The following SCARB2 variants were observed in gnomAD, a reference collection of about 807,000 sequenced individuals.
SCARB2 encodes scavenger receptor class B member 2.
In SCARB2, 29 loss-of-function variants were observed where a neutral mutation model predicts 58.6. The observed-to-expected ratio is 0.49, with a 90% CI of 0.37 to 0.67. SCARB2 has a LOEUF of 0.67. Among genes scored for constraint, SCARB2 ranks in the 30% least tolerant of loss-of-function variants. The pLI is 0.00. For synonymous variants in SCARB2, 195 were observed against 210.1 expected (o/e 0.93, Z 0.62); for missense variants, 488 against 578.5 (o/e 0.84, Z 1.60).
At chr4:76,228,744 A>G (rs532695615) in intron 1 of SCARB2, among the ~76,000 whole-genome samples, 1 of 152,222 alleles carries the variant, frequency 6.6e-6, no homozygotes, top group South Asian at 2.1e-4. Flanking sequence ...ATTTTCCTTT[A>G]TAGGTTACAT....
intron 1 of SCARB2, among the ~76,000 whole-genome samples, chr4:76,219,141 T>G (rs1733265309): frequency 6.6e-6 from 1 of 152,092 alleles, no homozygotes; most frequent in Non-Finnish European, 1.5e-5. Context: ...AGGAAAGCAG[T>G]GAAAATTGCA....
chr4:76,176,533 A>G lies in SCARB2; in HGVS notation c.613-5T>C. 1 of 1,567,374 alleles carries G rather than the reference A, an allele frequency of 6.4e-7. No homozygotes were observed. Among genetic ancestry groups the G allele is most frequent in the Non-Finnish European group, 8.8e-7 (1 of 1,138,846 alleles). On this transcript the variant is annotated splice_polypyrimidine_tract_variant and splice_region_variant and intron_variant, in intron 4 of 11. Coordinates refer to ENST00000264896, the MANE Select transcript of SCARB2 (RefSeq NM_005506.4). ...TCCATCATTAGTCCCATTTTTCTGAAAATATGTGAATATGATCATTTAAAG... is the reference window on the plus strand; with the variant it reads ...TCCATCATTAGTCCCATTTTTCTGAGAATATGTGAATATGATCATTTAAAG...
chr4:76,183,802 C>T (rs1182923858), intron 2 of SCARB2, among the ~76,000 whole-genome samples: 1 of 152,166 alleles, frequency 6.6e-6, no homozygotes, highest in Admixed American at 6.5e-5. Flanking sequence ...ATCCAGGAGC[C>T]ATAGAGGCTG....
At chr4:76,226,022 C>T (rs1733391447) in intron 1 of SCARB2, among the ~76,000 whole-genome samples, 1 of 152,172 alleles carries the variant, frequency 6.6e-6, no homozygotes, top group African/African-American at 2.4e-5. Context: ...CGGTCCTGGA[C>T]TTCTTTTTGT....
intron 1 of SCARB2, among the ~76,000 whole-genome samples, chr4:76,204,994 C>A (rs1732900539): frequency 6.6e-6 from 1 of 152,048 alleles, no homozygotes; most frequent in Admixed American, 6.6e-5. Flanking sequence ...TAAACAAATT[C>A]AAGAGATCTA....
intron 1 of SCARB2, among the ~76,000 whole-genome samples, chr4:76,210,963 A>G (rs1212516341): frequency 6.6e-6 from 1 of 152,250 alleles, no homozygotes; most frequent in Non-Finnish European, 1.5e-5. Flanking sequence ...AACTGGAAAT[A>G]TCAGAGTAGA....
rs1375319899 is a variant in SCARB2, at chr4:76,213,420, G to A, written c.117+7C>T. ...CCACAACACACACACAGCCCGCCCC[G>A]CCTCACCTTCTCGATACTCTGGTCT... On this transcript the variant is annotated splice_region_variant and intron_variant, in intron 1 of 11. Transcript: ENST00000264896. 7 of 1,590,962 alleles carry A rather than the reference G, an allele frequency of 4.4e-6. No individual in the cohort carries two copies. The highest frequency in any genetic ancestry group is 1.1e-5 in the South Asian group (1 of 89,622).
chr4:76,182,730 G>T (rs1265435621), intron 2 of SCARB2, among the ~76,000 whole-genome samples: 1 of 152,172 alleles, frequency 6.6e-6, no homozygotes, highest in Non-Finnish European at 1.5e-5. Flanking sequence ...GTAGCCTCAG[G>T]TAGACTGCAA....
chr4:76,223,785 G>A (rs1733348765), intron 1 of SCARB2, among the ~76,000 whole-genome samples: 1 of 152,158 alleles, frequency 6.6e-6, no homozygotes, highest in Non-Finnish European at 1.5e-5. Context: ...CTCAAAACTG[G>A]TATTTGGACT....
rs1283766846 is a variant in SCARB2, at chr4:76,160,244, A to G, written c.*1469T>C. The G allele has an allele frequency of 6.6e-6, 1 of 152,232 alleles. No individual in the cohort carries two copies. Among genetic ancestry groups the G allele is most frequent in the Non-Finnish European group, 1.5e-5 (1 of 68,042 alleles). 9.4% of individuals were successfully genotyped at this position (152,232 alleles called of 1,614,324 possible). Reference sequence around the variant, plus strand: ...TTTTTTTCTTCATTTGCTTACATTGAAATCCAGTTTTAAACAAAAAAAATC... The same window carrying G: ...TTTTTTTCTTCATTTGCTTACATTGGAATCCAGTTTTAAACAAAAAAAATC... On this transcript the variant is annotated 3_prime_UTR_variant, in exon 12 of 12. Transcript: ENST00000264896.
At chr4:76,198,188 G>A (rs1732753893) in intron 1 of SCARB2, among the ~76,000 whole-genome samples, 1 of 152,190 alleles carries the variant, frequency 6.6e-6, no homozygotes, top group Non-Finnish European at 1.5e-5. Context: ...AAGCATCATA[G>A]TGTGTGAAGT....
rs764452245 is a variant in SCARB2, at chr4:76,163,350, G to A, written c.1273C>T (p.Leu425=). 12 of 1,614,072 alleles carry A rather than the reference G, an allele frequency of 7.4e-6. No homozygotes were observed. The African/African-American group carries it at 1.6e-4, about 22-fold the overall frequency. ...VHIDKETASR[L]KSMINTTLII... ...AAAGTAGTGTTAATCATAGACTTCA[G>A]TCGACTCGCCGTCTCTTTATCAATG... Residue 425 remains leucine (L), a synonymous_variant, in exon 11 of 12, where the codon CTG becomes TTG. Coordinates refer to ENST00000264896, the MANE Select transcript of SCARB2 (RefSeq NM_005506.4).
At chr4:76,230,059 G>C (rs566592494) in intron 1 of SCARB2, among the ~76,000 whole-genome samples, 2 of 152,234 alleles carry the variant, frequency 1.3e-5, no homozygotes, top group African/African-American at 4.8e-5. Flanking sequence ...ATGTATTTGG[G>C]TTTCTCAGGT....
At chr4:76,226,252 C>T (rs780257561) in intron 1 of SCARB2, among the ~76,000 whole-genome samples, 5 of 152,024 alleles carry the variant, frequency 3.3e-5, no homozygotes, top group Non-Finnish European at 5.9e-5. Flanking sequence ...GTGGTGAGGA[C>T]GTGTGGACAT....
chr4:76,217,770 A>G, upstream of SCARB2: 1 of 425,248 alleles, frequency 2.4e-6, no homozygotes. Flanking sequence ...TGATCTCTCT[A>G]TACCTAAAAT....
chr4:76,214,300 A>G (rs1358885544), upstream of SCARB2: 1 of 456,102 alleles, frequency 2.2e-6, no homozygotes, highest in Non-Finnish European at 4.4e-6. Context: ...TTCTGCCTGG[A>G]TGACCTAGGG....
chr4:76,193,393 C>CA, intron 2 of SCARB2: 1 of 152,394 alleles, frequency 6.6e-6, no homozygotes, highest in East Asian at 1.9e-4. Context: ...AAAGAGTCCC[C>CA]ACTGAGGCAC....
At chr4:76,223,294 A>G (rs1044258867) in intron 1 of SCARB2, among the ~76,000 whole-genome samples, 5 of 152,210 alleles carry the variant, frequency 3.3e-5, no homozygotes, top group Non-Finnish European at 5.9e-5. Flanking sequence ...TTTGGGAGAC[A>G]GAATTGTCTC....
intron 9 of SCARB2, among the ~76,000 whole-genome samples, chr4:76,167,266 T>A (rs1732027851): frequency 6.6e-6 from 1 of 151,930 alleles, no homozygotes; most frequent in African/African-American, 2.4e-5. Flanking sequence ...AGTCTCTGAG[T>A]GATATAGTTT....
Sources: gnomAD v4.1 joint callset for allele counts (sites outside exome capture counted in the v4.1 genomes callset) on GRCh38, gnomAD v4.1.1 for gene constraint, MANE v1.5 for transcripts, NCBI Gene and HGNC (gene_info 2026-07-23, HGNC 2026-07-21) for gene names.